The following BICD1 variants were observed in gnomAD, a reference collection of about 807,000 sequenced individuals.
BICD1 encodes protein bicaudal D homolog 1.
BICD1 carries 35 observed loss-of-function variants against 92.5 expected under a neutral mutation model. The observed-to-expected ratio is 0.38, with a 90% CI of 0.29 to 0.50. BICD1 has a LOEUF of 0.50. Ranked by LOEUF, BICD1 falls within the 20% of genes least tolerant of loss-of-function variation. The pLI, the probability that BICD1 is intolerant of heterozygous loss-of-function variation, is 0.93. For synonymous variants in BICD1, 429 were observed against 465.1 expected (o/e 0.92, Z 1.00); for missense variants, 950 against 1,189.8 (o/e 0.80, Z 2.97).
At chr12:32,159,444 A>G (rs1442340576) in intron 1 of BICD1, among the ~76,000 whole-genome samples, 2 of 152,186 alleles carry the variant, frequency 1.3e-5, no homozygotes, top group East Asian at 1.9e-4. Flanking sequence ...GGAAGACACA[A>G]TAACACACTG....
intron 2 of BICD1, among the ~76,000 whole-genome samples, chr12:32,242,152 G>T (rs1946253893): frequency 7.2e-6 from 1 of 138,898 alleles, no homozygotes; most frequent in Non-Finnish European, 1.5e-5. Flanking sequence ...GGAGGTCAAG[G>T]CTGCAATGAG....
At chr12:32,269,541 T>A (rs1454983494) in intron 2 of BICD1, among the ~76,000 whole-genome samples, 1 of 152,162 alleles carries the variant, frequency 6.6e-6, no homozygotes, top group Non-Finnish European at 1.5e-5. Context: ...GGAAGAGAAT[T>A]AGAGAAATGA....
intron 2 of BICD1, chr12:32,228,132 G>C: frequency 5.2e-6 from 1 of 191,020 alleles, no homozygotes. Flanking sequence ...GCCACCCTTT[G>C]AGTGATTCTT....
At chr12:32,295,552 T>C (rs7961871) in intron 3 of BICD1, among the ~76,000 whole-genome samples, 9 of 148,948 alleles carry the variant, frequency 6.0e-5, no homozygotes, top group African/African-American at 2.0e-4. Flanking sequence ...ATCTACATGA[T>C]ACACTGATTG....
chr12:32,238,034 AG>A (rs1946123233), intron 2 of BICD1, among the ~76,000 whole-genome samples: 1 of 152,226 alleles, frequency 6.6e-6, no homozygotes. Flanking sequence ...TACTGTTGGG[AG>A]GAGGTCAAAT....
rs140369016 is a variant in BICD1, at chr12:32,187,900, C to T, written c.214-28347C>T. Among the ~76,000 whole-genome samples the T allele has an allele frequency of 4.7e-3, 712 of 152,008 alleles. 5 individuals are homozygous for T. The highest frequency in any genetic ancestry group is 0.016 in the African/African-American group (672 of 41,484). On this transcript the variant is annotated intron_variant, in intron 1 of 9. Coordinates refer to ENST00000652176, the MANE Select transcript of BICD1 (RefSeq NM_001714.4). The stretch of plus-strand genomic sequence containing the variant: ...TTGTTGTTGTTGTTGTTTTTTGAGA[C>T]GGAGTCTCGCTCTGTCACGCAGGCT...
intron 1 of BICD1, among the ~76,000 whole-genome samples, chr12:32,112,343 G>A (rs1176482107): frequency 6.6e-6 from 1 of 152,114 alleles, no homozygotes; most frequent in Non-Finnish European, 1.5e-5. Flanking sequence ...CGTCTCTGGC[G>A]AAGTTATTTC....
intron 2 of BICD1, among the ~76,000 whole-genome samples, chr12:32,283,461 C>T (rs1287090130): frequency 6.6e-6 from 1 of 152,068 alleles, no homozygotes; most frequent in Non-Finnish European, 1.5e-5. Flanking sequence ...CTCCAGTTCT[C>T]CTCAGCTATG....
At chr12:32,210,468 C>T (rs1291777366) in intron 1 of BICD1, among the ~76,000 whole-genome samples, 2 of 152,058 alleles carry the variant, frequency 1.3e-5, no homozygotes, top group Admixed American at 6.6e-5. Flanking sequence ...TATCAATTAA[C>T]GTATCATCCT....
At chr12:32,144,006 T>C (rs1049130454) in intron 1 of BICD1, among the ~76,000 whole-genome samples, 4 of 152,210 alleles carry the variant, frequency 2.6e-5, no homozygotes, top group African/African-American at 7.2e-5. Context: ...GAGTTCTTTG[T>C]ATAATATATA....
chr12:32,344,387 C>T (rs574801452), intron 8 of BICD1, among the ~76,000 whole-genome samples: 11 of 133,038 alleles, frequency 8.3e-5, no homozygotes, highest in Non-Finnish European at 1.3e-4. Context: ...GACAGAGGGC[C>T]AGGTTAGTGA....
intron 8 of BICD1, 119 bp downstream of exon 8, chr12:32,339,098 T>C (rs1413100439): frequency 1.5e-6 from 2 of 1,359,718 alleles, no homozygotes; most frequent in Non-Finnish European, 1.9e-6. Flanking sequence ...ATGTGTAAAT[T>C]CCTATAAGTC....
chr12:32,213,967 A>C (rs1380987174), intron 1 of BICD1, among the ~76,000 whole-genome samples: 1 of 152,166 alleles, frequency 6.6e-6, no homozygotes, highest in Admixed American at 6.5e-5. Context: ...ATGCTGATAT[A>C]TTTTATTTCC....
intron 8 of BICD1, among the ~76,000 whole-genome samples, chr12:32,344,910 A>G (rs1938511069): frequency 6.6e-6 from 1 of 152,184 alleles, no homozygotes; most frequent in African/African-American, 2.4e-5. Context: ...TTCTTTGAAC[A>G]TAGTTTCCAC....
intron 1 of BICD1, among the ~76,000 whole-genome samples, chr12:32,204,757 C>G (rs1354921099): frequency 2.0e-5 from 3 of 152,172 alleles, no homozygotes; most frequent in Non-Finnish European, 4.4e-5. Flanking sequence ...CCAAGATGCC[C>G]TGGGGAACCA....
intron 1 of BICD1, among the ~76,000 whole-genome samples, chr12:32,180,651 T>G (rs1944244814): frequency 6.6e-6 from 1 of 151,986 alleles, no homozygotes; most frequent in African/African-American, 2.4e-5. Context: ...GGTTGCATTT[T>G]TCTCCTAACC....
intron 8 of BICD1, among the ~76,000 whole-genome samples, chr12:32,348,423 A>G (rs1015110524): frequency 6.6e-6 from 1 of 152,106 alleles, no homozygotes; most frequent in Non-Finnish European, 1.5e-5. Flanking sequence ...TTTAATCCTT[A>G]GGAGAAAAAC....
intron 1 of BICD1, among the ~76,000 whole-genome samples, chr12:32,190,974 A>G (rs929550094): frequency 5.9e-5 from 9 of 152,182 alleles, no homozygotes; most frequent in Non-Finnish European, 1.0e-4. Context: ...TTAAGCACAC[A>G]CTCCTGAACA....
chr12:32,302,931 C>G (rs866690202), intron 3 of BICD1, among the ~76,000 whole-genome samples: 1 of 57,580 alleles, frequency 1.7e-5, no homozygotes, highest in African/African-American at 5.4e-5. Flanking sequence ...TAATGTATTT[C>G]TTTTTTTTTT....
Sources: allele counts gnomAD v4.1 joint callset (sites outside exome capture counted in the v4.1 genomes callset), GRCh38; gene constraint gnomAD v4.1.1; transcripts MANE v1.5; gene names NCBI Gene and HGNC (gene_info 2026-07-23, HGNC 2026-07-21).